PHACTR1: variants seen among roughly 807,000 people sequenced by gnomAD.
PHACTR1 encodes RPEL repeat containing 1.
Under a neutral mutation model 69.2 loss-of-function variants are expected in PHACTR1, and 16 were observed. The ratio of observed to expected loss-of-function variants is 0.23; its 90% CI spans 0.16 to 0.35. The LOEUF is 0.35. Among genes scored for constraint, PHACTR1 ranks in the 10% least tolerant of loss-of-function variants. PHACTR1 has a pLI of 1.00. For missense variants in PHACTR1, 510 were observed against 734.7 expected (o/e 0.69, Z 3.54); for synonymous variants, 312 against 284.5 (o/e 1.10, Z -0.97).
At chr6:12,734,019 C>T (rs1763915863) in intron 3 of PHACTR1, among the ~76,000 whole-genome samples, 1 of 152,170 alleles carries the variant, frequency 6.6e-6, no homozygotes. Flanking sequence ...GCCTGAAGCA[C>T]ATTTTCTTTT....
intron 4 of PHACTR1, among the ~76,000 whole-genome samples, chr6:12,978,368 G>T (rs1326037376): frequency 6.6e-6 from 1 of 152,218 alleles, no homozygotes; most frequent in East Asian, 1.9e-4. Flanking sequence ...TCCAATACTT[G>T]TTCTTGCCAG....
chr6:12,982,543 G>T (rs1795648778), intron 4 of PHACTR1, among the ~76,000 whole-genome samples: 1 of 152,162 alleles, frequency 6.6e-6, no homozygotes, highest in African/African-American at 2.4e-5. Flanking sequence ...GCCAGGTGTG[G>T]TGGCAAGCCC....
chr6:12,829,022 A>G (rs1445643354), intron 4 of PHACTR1, among the ~76,000 whole-genome samples: 1 of 152,214 alleles, frequency 6.6e-6, no homozygotes, highest in African/African-American at 2.4e-5. Context: ...TGATTTGTTC[A>G]TTACACATTA....
At chr6:13,162,184 C>T (rs1759126738) in intron 6 of PHACTR1, among the ~76,000 whole-genome samples, 1 of 152,162 alleles carries the variant, frequency 6.6e-6, no homozygotes, top group African/African-American at 2.4e-5. Flanking sequence ...ACTGCAACCT[C>T]CGCCTCCTGG....
intron 8 of PHACTR1, among the ~76,000 whole-genome samples, chr6:13,217,159 T>C (rs1348096206): frequency 6.6e-6 from 1 of 152,210 alleles, no homozygotes; most frequent in Non-Finnish European, 1.5e-5. Context: ...GGTGTTGACA[T>C]GTACTCCTAG....
chr6:13,141,724 C>CTTTTTTTTTTT (rs577073698), intron 5 of PHACTR1, among the ~76,000 whole-genome samples: 7 of 89,762 alleles, frequency 7.8e-5, no homozygotes, highest in African/African-American at 1.2e-4. Flanking sequence ...TTTCTTCTTT[C>CTTTTTTTTTTT]TTTTTTTTTT....
intron 4 of PHACTR1, among the ~76,000 whole-genome samples, chr6:12,965,038 G>C (rs558564355): frequency 1.7e-4 from 26 of 152,254 alleles, no homozygotes; most frequent in African/African-American, 6.0e-4. Context: ...TATAATCTAT[G>C]TACATCCTCA....
chr6:13,267,907 A>G (rs981230879), intron 10 of PHACTR1: 2 of 148,468 alleles, frequency 1.3e-5, no homozygotes, highest in African/African-American at 2.5e-5. Context: ...CCTGTATTAC[A>G]TAAGTGAGGC....
intron 7 of PHACTR1, among the ~76,000 whole-genome samples, chr6:13,199,133 A>T (rs1180206323): frequency 2.6e-5 from 4 of 152,192 alleles, no homozygotes; most frequent in Non-Finnish European, 5.9e-5. Flanking sequence ...CACACCTGTA[A>T]TCCCAGCACT....
At chr6:12,738,028 T>G (rs1764528044) in intron 3 of PHACTR1, among the ~76,000 whole-genome samples, 1 of 152,316 alleles carries the variant, frequency 6.6e-6, no homozygotes, top group Non-Finnish European at 1.5e-5. Context: ...TAAAGCACTT[T>G]CCTCCTCCAG....
chr6:12,740,331 C>T (rs1001908086), intron 3 of PHACTR1, among the ~76,000 whole-genome samples: 1 of 152,098 alleles, frequency 6.6e-6, no homozygotes. Context: ...TAAACAAAGT[C>T]TTCCAAGGTG....
intron 4 of PHACTR1, among the ~76,000 whole-genome samples, chr6:13,023,185 G>A (rs1449675085): frequency 1.3e-5 from 2 of 152,162 alleles, no homozygotes; most frequent in African/African-American, 4.8e-5. Context: ...GCTATTTGAT[G>A]TTGTGGGATA....
At chr6:13,005,647 G>A (rs886462347) in intron 4 of PHACTR1, among the ~76,000 whole-genome samples, 8 of 152,104 alleles carry the variant, frequency 5.3e-5, no homozygotes, top group South Asian at 4.1e-4. Flanking sequence ...CTGGAGTGCC[G>A]GAATCAAGAT....
intron 3 of PHACTR1, among the ~76,000 whole-genome samples, chr6:12,726,115 T>G (rs1389418348): frequency 6.6e-6 from 1 of 152,316 alleles, no homozygotes; most frequent in South Asian, 2.1e-4. Context: ...TCAACTCTGC[T>G]GTATCTCATA....
chr6:13,043,220 G>A (rs1388598076), intron 4 of PHACTR1, among the ~76,000 whole-genome samples: 2 of 152,076 alleles, frequency 1.3e-5, no homozygotes, highest in East Asian at 3.9e-4. Flanking sequence ...TGAGGTCAGG[G>A]GTGCGAGACC....
intron 4 of PHACTR1, among the ~76,000 whole-genome samples, chr6:12,776,992 C>T (rs1334166251): frequency 6.6e-6 from 1 of 152,088 alleles, no homozygotes; most frequent in Admixed American, 6.5e-5. Flanking sequence ...CAGTAATTTT[C>T]ATTCATTTTA....
chr6:12,967,843 A>T (rs1296721949), intron 4 of PHACTR1, among the ~76,000 whole-genome samples: 1 of 152,258 alleles, frequency 6.6e-6, no homozygotes, highest in African/African-American at 2.4e-5. Flanking sequence ...TAGTTTAATC[A>T]TCAAAATATT....
chr6:12,851,786 C>A (rs1779852440), intron 4 of PHACTR1, among the ~76,000 whole-genome samples: 1 of 152,104 alleles, frequency 6.6e-6, no homozygotes, highest in Non-Finnish European at 1.5e-5. Flanking sequence ...ATTCCATGAT[C>A]TTTGGTACTA....
intron 4 of PHACTR1, among the ~76,000 whole-genome samples, chr6:12,795,870 C>T (rs1772928444): frequency 8.3e-6 from 1 of 119,916 alleles, no homozygotes; most frequent in African/African-American, 3.5e-5. Context: ...CTTAGCCAGA[C>T]CTTACATTTT....
Sources: gnomAD v4.1 joint callset for allele counts (sites outside exome capture counted in the v4.1 genomes callset) on GRCh38, gnomAD v4.1.1 for gene constraint, MANE v1.5 for transcripts, NCBI Gene and HGNC (gene_info 2026-07-23, HGNC 2026-07-21) for gene names.